Variants in PRR5L observed in about 807,000 individuals in gnomAD.
PRR5L encodes the protein proline rich 5 like, also known as proline-rich protein 5-like.
Under a neutral mutation model 36.4 loss-of-function variants are expected in PRR5L, and 21 were observed. The observed-to-expected ratio is 0.58, with a 90% confidence interval of 0.41 to 0.83. The LOEUF (loss-of-function observed/expected upper bound fraction) is 0.83. Among genes scored for constraint, PRR5L ranks in the 40% least tolerant of loss-of-function variants. The probability of loss-of-function intolerance (pLI) is 0.00; values close to 1 mark genes in which losing one functional copy is unlikely to be tolerated. For synonymous variants in PRR5L, 188 were observed against 197.0 expected (o/e 0.95, Z 0.38); for missense variants, 381 against 473.3 (o/e 0.80, Z 1.81).
intron 1 of PRR5L, among the ~76,000 whole-genome samples, chr11:36,332,036 A>G (rs998353474): frequency 1.3e-5 from 2 of 152,204 alleles, no homozygotes; most frequent in African/African-American, 4.8e-5. Context: ...GTGAGGATGA[A>G]ATAAAAAATC....
At chr11:36,336,189 T>C (rs1414660764) in intron 1 of PRR5L, among the ~76,000 whole-genome samples, 1 of 152,220 alleles carries the variant, frequency 6.6e-6, no homozygotes, top group Non-Finnish European at 1.5e-5. Context: ...ACTTAAAAAA[T>C]AGACTCTCTT....
At chr11:36,309,865 T>C (rs1856480385) in intron 1 of PRR5L, among the ~76,000 whole-genome samples, 1 of 116,826 alleles carries the variant, frequency 8.6e-6, no homozygotes, top group Non-Finnish European at 1.9e-5. Flanking sequence ...TTTACAGTTC[T>C]ATGATGTCTC....
rs138035966 is a variant in PRR5L at position 36,452,320 on chromosome 11, G to A, written c.712+985G>A. Among the ~76,000 whole-genome samples the A allele has an allele frequency of 3.0e-3, 455 of 152,268 alleles. 1 individual carries two copies. Among genetic ancestry groups the A allele is most frequent in the African/African-American group, 0.011 (438 of 41,534 alleles). ...CCCCTCTTCTCACTTTAATGGAGTT[G>A]TAATAGTTGAGCTTCAAAGAAAGGA... On this transcript the variant is annotated intron_variant, in intron 8 of 8. Transcript: ENST00000530639.
chr11:36,338,617 T>C (rs548169867), intron 1 of PRR5L, among the ~76,000 whole-genome samples: 1 of 152,318 alleles, frequency 6.6e-6, no homozygotes, highest in South Asian at 2.1e-4. Context: ...GATCCCCTTA[T>C]GTAGGGAATA....
At chr11:36,439,367 G>A (rs796832704) in intron 6 of PRR5L, among the ~76,000 whole-genome samples, 2 of 152,240 alleles carry the variant, frequency 1.3e-5, no homozygotes, top group African/African-American at 2.4e-5. Context: ...TCAGAGCCAG[G>A]CAGGAGCCCA....
intron 4 of PRR5L, 60 bp from the exon 5 acceptor site, chr11:36,431,793 G>A (rs1211803498): frequency 6.7e-7 from 1 of 1,497,476 alleles, no homozygotes; most frequent in African/African-American, 1.4e-5. Context: ...GTGGAAGAGG[G>A]TTCATCACTT....
chr11:36,428,051 C>A (rs578053367), intron 4 of PRR5L, among the ~76,000 whole-genome samples: 15 of 152,328 alleles, frequency 9.8e-5, no homozygotes, highest in African/African-American at 3.1e-4. Context: ...GGATGGCTGG[C>A]ACTATGCCTC....
chr11:36,444,185 C>T (rs1298176181), intron 6 of PRR5L, among the ~76,000 whole-genome samples: 3 of 152,130 alleles, frequency 2.0e-5, no homozygotes, highest in Non-Finnish European at 4.4e-5. Flanking sequence ...TAGAATATTA[C>T]GCAGCCTTAC....
At chr11:36,348,153 C>T (rs1162608682) in intron 1 of PRR5L, among the ~76,000 whole-genome samples, 1 of 152,096 alleles carries the variant, frequency 6.6e-6, no homozygotes, top group Non-Finnish European at 1.5e-5. Flanking sequence ...TTCTAGTTTG[C>T]TCCTGTAGCT....
chr11:36,333,128 T>C (rs1856735656), intron 1 of PRR5L, among the ~76,000 whole-genome samples: 1 of 152,190 alleles, frequency 6.6e-6, no homozygotes, highest in Non-Finnish European at 1.5e-5. Flanking sequence ...AAATCCAAAA[T>C]AATGTGGCTT....
At chr11:36,447,859 T>C (rs1387624811) in intron 7 of PRR5L, among the ~76,000 whole-genome samples, 2 of 152,084 alleles carry the variant, frequency 1.3e-5, no homozygotes, top group Non-Finnish European at 2.9e-5. Flanking sequence ...AGGAGGGGGA[T>C]AGAAAAATGC....
intron 1 of PRR5L, among the ~76,000 whole-genome samples, chr11:36,310,201 C>T (rs941738329): frequency 5.3e-5 from 8 of 152,150 alleles, no homozygotes; most frequent in African/African-American, 9.7e-5. Context: ...ACAATAAGTA[C>T]GATCAGTTGT....
chr11:36,381,802 T>C (rs1455741122), intron 1 of PRR5L: 1 of 152,074 alleles, frequency 6.6e-6, no homozygotes, highest in African/African-American at 2.4e-5. Context: ...TTTGTGGTGT[T>C]TGGGATAATT....
At chr11:36,433,034 AT>A (rs200324236) in intron 5 of PRR5L, among the ~76,000 whole-genome samples, 9 of 151,012 alleles carry the variant, frequency 6.0e-5, no homozygotes, top group South Asian at 4.2e-4. Context: ...CATCGATGAC[AT>A]TTTTTTTTCA....
chr11:36,385,043 G>A (rs2133533475), intron 1 of PRR5L, among the ~76,000 whole-genome samples: 1 of 152,288 alleles, frequency 6.6e-6, no homozygotes. Flanking sequence ...ATTTTTTAAA[G>A]TAAGTTGCAC....
intron 6 of PRR5L, among the ~76,000 whole-genome samples, chr11:36,444,299 G>A (rs1472148241): frequency 6.6e-6 from 1 of 152,132 alleles, no homozygotes; most frequent in African/African-American, 2.4e-5. Context: ...ATCTCTGTGT[G>A]GGTTTAAAGG....
At chr11:36,387,584 A>C (rs1016617809) in intron 1 of PRR5L, among the ~76,000 whole-genome samples, 3 of 152,138 alleles carry the variant, frequency 2.0e-5, no homozygotes, top group South Asian at 2.1e-4. Flanking sequence ...AAAGGTTCTC[A>C]GTGTGTATGG....
chr11:36,445,173 A>G (rs913097611), intron 6 of PRR5L, among the ~76,000 whole-genome samples: 1 of 152,178 alleles, frequency 6.6e-6, no homozygotes, highest in East Asian at 1.9e-4. Flanking sequence ...ATAAAACTCT[A>G]TGGAGTTGCA....
intron 1 of PRR5L, among the ~76,000 whole-genome samples, chr11:36,361,054 C>T (rs561110926): frequency 4.4e-4 from 67 of 152,338 alleles, no homozygotes; most frequent in Middle Eastern, 3.4e-3. Flanking sequence ...TTTCACTTTG[C>T]ACTGGTCCCC....
Sources: allele counts gnomAD v4.1 joint callset (sites outside exome capture counted in the v4.1 genomes callset), GRCh38; gene constraint gnomAD v4.1.1; transcripts MANE v1.5; gene names NCBI Gene and HGNC (gene_info 2026-07-23, HGNC 2026-07-21).